The following ZNF536 variants were observed in gnomAD, a reference collection of about 807,000 sequenced individuals.
ZNF536 encodes the protein zinc finger protein 536.
ZNF536 carries 13 observed loss-of-function variants against 84.5 expected under a neutral mutation model. The ratio of observed to expected loss-of-function variants is 0.15; its 90% confidence interval spans 0.10 to 0.24. The LOEUF is 0.24. Among genes scored for constraint, ZNF536 ranks in the 10% least tolerant of loss-of-function variants. ZNF536 has a pLI of 1.00. For missense variants in ZNF536, 1,536 were observed against 1,747.5 expected, an observed-to-expected ratio of 0.88 and a Z score of 2.16; for synonymous variants, 811 against 742.5, an observed-to-expected ratio of 1.09 and a Z score of -1.50.
chr19:30,647,402 C>T (rs2049516080), intron 1 of ZNF536, among the ~76,000 whole-genome samples: 1 of 152,162 alleles, frequency 6.6e-6, no homozygotes. Context: ...CCCCTGTTTC[C>T]TTGCCTCTTC....
At chr19:30,612,312 A>G (rs2048131058) in intron 1 of ZNF536, among the ~76,000 whole-genome samples, 1 of 152,150 alleles carries the variant, frequency 6.6e-6, no homozygotes, top group Non-Finnish European at 1.5e-5. Flanking sequence ...CTTGGATATA[A>G]GTAATTAGAT....
At chr19:30,623,300 T>G (rs991071589) in intron 1 of ZNF536, among the ~76,000 whole-genome samples, 6 of 152,210 alleles carry the variant, frequency 3.9e-5, no homozygotes, top group Admixed American at 3.9e-4. Context: ...GTCTCCTGGC[T>G]TCTTCCCTGG....
At chr19:30,550,317 G>A (rs190915137) in intron 4 of ZNF536, among the ~76,000 whole-genome samples, 28 of 152,326 alleles carry the variant, frequency 1.8e-4, no homozygotes, top group Non-Finnish European at 1.0e-4. Flanking sequence ...GAACATCATT[G>A]TAAGTTTAAG....
chr19:30,314,900 C>T (rs1160180444), intron 2 of ZNF536, among the ~76,000 whole-genome samples: 1 of 152,280 alleles, frequency 6.6e-6, no homozygotes, highest in African/African-American at 2.4e-5. Context: ...AGCCCCGATC[C>T]CCCACCCACT....
chr19:30,378,727 G>A (rs1057104205), intron 1 of ZNF536, among the ~76,000 whole-genome samples: 6 of 152,180 alleles, frequency 3.9e-5, no homozygotes, highest in Admixed American at 3.3e-4. Context: ...TAAAGGAGTG[G>A]GACAGGAACA....
rs762759451 is a variant in ZNF536 at position 30,534,875 on chromosome 19, C to T, written c.2199C>T (p.Ala733=). Residue 733 remains alanine, a synonymous_variant, in exon 3 of 5, where the codon GCC becomes GCT. Coordinates refer to ENST00000355537, the MANE Select transcript of ZNF536 (RefSeq NM_014717.3). Reference sequence around the variant, plus strand: ...TTGGCGAGGAGGCTGGGAGATCTGCCGGCGTCCAGCAACCAGCGCTGCTTC... The same window carrying T: ...TTGGCGAGGAGGCTGGGAGATCTGCTGGCGTCCAGCAACCAGCGCTGCTTC... The part of the protein sequence containing the change: ...SDIGEEAGRS[A]GVQQPALLRD... The T allele has an allele frequency of 2.2e-5, 35 of 1,613,192 alleles. No homozygotes were observed. The highest frequency in any genetic ancestry group is 3.3e-5 in the Admixed American group (2 of 59,960).
intron 1 of ZNF536, among the ~76,000 whole-genome samples, chr19:30,676,681 A>C (rs370724574): frequency 2.2e-4 from 33 of 152,364 alleles, no homozygotes; most frequent in African/African-American, 7.9e-4. Flanking sequence ...AACAGTACAA[A>C]TATTAATTTT....
At chr19:30,676,082 A>C (rs772978634) in intron 1 of ZNF536, among the ~76,000 whole-genome samples, 8 of 151,974 alleles carry the variant, frequency 5.3e-5, no homozygotes, top group Non-Finnish European at 1.0e-4. Flanking sequence ...GCTGGTCTTG[A>C]ACTCCCGGGG....
chr19:30,276,804 C>T (rs1178521536), intron 1 of ZNF536, among the ~76,000 whole-genome samples: 1 of 151,648 alleles, frequency 6.6e-6, no homozygotes, highest in African/African-American at 2.4e-5. Context: ...GGAGAACTTT[C>T]GGATATATGT....
chr19:30,244,478 T>C (rs2024137269), intron 1 of ZNF536, among the ~76,000 whole-genome samples: 1 of 152,244 alleles, frequency 6.6e-6, no homozygotes, highest in Non-Finnish European at 1.5e-5. Context: ...CTGCTTTAAT[T>C]GTCTTATTGA....
intron 1 of ZNF536, among the ~76,000 whole-genome samples, chr19:30,239,467 C>G (rs774333927): frequency 1.3e-5 from 2 of 152,120 alleles, no homozygotes; most frequent in Admixed American, 6.5e-5. Flanking sequence ...TGGCACGTGG[C>G]CTGGACCTTC....
chr19:30,290,578 G>A (rs906848378), intron 2 of ZNF536, among the ~76,000 whole-genome samples: 2 of 152,096 alleles, frequency 1.3e-5, no homozygotes, highest in Non-Finnish European at 2.9e-5. Flanking sequence ...GGCCCCCTAT[G>A]TTGTTTATCC....
intron 1 of ZNF536, among the ~76,000 whole-genome samples, chr19:30,658,230 CAG>C (rs1453615995): frequency 6.6e-6 from 1 of 152,052 alleles, no homozygotes; most frequent in Non-Finnish European, 1.5e-5. Context: ...TCATATTGGC[CAG>C]ACTAGTCTTG....
intron 2 of ZNF536, among the ~76,000 whole-genome samples, chr19:30,529,571 G>A (rs1421277047): frequency 3.3e-5 from 5 of 152,124 alleles, no homozygotes; most frequent in Non-Finnish European, 7.3e-5. Flanking sequence ...CCTTGATCGA[G>A]GCCAACCTTG....
intron 1 of ZNF536, among the ~76,000 whole-genome samples, chr19:30,593,598 G>T (rs1048558857): frequency 6.6e-6 from 1 of 152,204 alleles, no homozygotes; most frequent in African/African-American, 2.4e-5. Flanking sequence ...AGTCTTTGGC[G>T]AGGCAGCCTT....
intron 1 of ZNF536, among the ~76,000 whole-genome samples, chr19:30,606,229 T>TACAA (rs2047871845): frequency 1.1e-5 from 1 of 94,166 alleles, no homozygotes; most frequent in African/African-American, 4.5e-5. Context: ...TAAAATAAAA[T>TACAA]AATAAAATAA....
intron 1 of ZNF536, among the ~76,000 whole-genome samples, chr19:30,575,445 T>A (rs1599857945): frequency 1.3e-5 from 2 of 152,192 alleles, no homozygotes; most frequent in Admixed American, 6.5e-5. Flanking sequence ...CCCGCCCAGG[T>A]GGCCACCACC....
At chr19:30,385,213 C>G (rs564483956) in intron 1 of ZNF536, among the ~76,000 whole-genome samples, 1 of 151,656 alleles carries the variant, frequency 6.6e-6, no homozygotes, top group African/African-American at 2.4e-5. Flanking sequence ...GCCCTGAAAT[C>G]GGGTGGAAAT....
chr19:30,229,434 G>T (rs1025662401), intron 1 of ZNF536, among the ~76,000 whole-genome samples: 1 of 152,208 alleles, frequency 6.6e-6, no homozygotes, highest in African/African-American at 2.4e-5. Context: ...TTATTATAAT[G>T]ATTATTTACA....
Sources: allele counts gnomAD v4.1 joint callset (sites outside exome capture counted in the v4.1 genomes callset), GRCh38; gene constraint gnomAD v4.1.1; transcripts MANE v1.5; gene names NCBI Gene and HGNC (gene_info 2026-07-23, HGNC 2026-07-21).